Variants in SGCD observed in about 807,000 individuals in gnomAD.
SGCD encodes sarcoglycan delta, also known as delta-sarcoglycan.
SGCD carries 18 observed loss-of-function variants against 36.6 expected under a neutral mutation model. The observed-to-expected ratio is 0.49, with a 90% confidence interval of 0.34 to 0.73. The LOEUF is 0.73. SGCD is among the 30% of genes least tolerant of loss of function. The probability of loss-of-function intolerance (pLI) is 0.01; values close to 1 mark genes in which losing one functional copy is unlikely to be tolerated. For synonymous variants in SGCD, 133 were observed against 130.6 expected, an observed-to-expected ratio of 1.02 and a Z score of -0.12; for missense variants, 387 against 346.7, an observed-to-expected ratio of 1.12 and a Z score of -0.92.
chr5:155,956,625 G>A (rs35404889), intron 1 of SGCD, among the ~76,000 whole-genome samples: 6,323 of 152,162 alleles, frequency 0.042, 167 homozygotes, highest in Non-Finnish European at 0.061. Context: ...AAGTCAAGGC[G>A]TCAGCAGGGC....
intron 1 of SGCD, among the ~76,000 whole-genome samples, chr5:155,941,581 T>G (rs1757328528): frequency 6.6e-6 from 1 of 151,352 alleles, no homozygotes; most frequent in Non-Finnish European, 1.5e-5. Context: ...TAATCAATAT[T>G]ATTTAAATAA....
At chr5:156,708,887 T>C (rs1277015439) in intron 7 of SGCD, among the ~76,000 whole-genome samples, 3 of 152,106 alleles carry the variant, frequency 2.0e-5, no homozygotes, top group Non-Finnish European at 4.4e-5. Context: ...GAAAGGGTTT[T>C]GAGCCTCTAG....
chr5:156,142,408 C>T (rs897796443), intron 3 of SGCD, among the ~76,000 whole-genome samples: 2 of 152,104 alleles, frequency 1.3e-5, no homozygotes, highest in Non-Finnish European at 2.9e-5. Context: ...CATCTGAAAA[C>T]GTAGCAGCTT....
At chr5:156,505,982 A>G (rs1025725993) in intron 3 of SGCD, among the ~76,000 whole-genome samples, 5 of 152,220 alleles carry the variant, frequency 3.3e-5, no homozygotes, top group African/African-American at 9.6e-5. Context: ...GAAACAATTC[A>G]GCCTCCCTGG....
At chr5:155,822,759 A>T in the SGCD span, among the ~76,000 whole-genome samples, 3 of 152,246 alleles carry the variant, frequency 2.0e-5, no homozygotes, top group African/African-American at 2.4e-5. Flanking sequence ...AGGGATTCAC[A>T]TATAGCAAAT....
chr5:156,467,002 G>A (rs148007405), intron 3 of SGCD, among the ~76,000 whole-genome samples: 5 of 152,236 alleles, frequency 3.3e-5, no homozygotes, highest in African/African-American at 1.2e-4. Flanking sequence ...GTTGAAGGTT[G>A]ATAAACATAG....
At chr5:156,605,102 A>G in intron 6 of SGCD, among the ~76,000 whole-genome samples, 1 of 151,990 alleles carries the variant, frequency 6.6e-6, no homozygotes, top group East Asian at 1.9e-4. Context: ...CACAACGTGC[A>G]GGTTTGTTAC....
chr5:156,544,998 T>G (rs1561768770), intron 4 of SGCD, among the ~76,000 whole-genome samples: 2 of 152,208 alleles, frequency 1.3e-5, no homozygotes, highest in African/African-American at 2.4e-5. Flanking sequence ...TCCTCTGAGT[T>G]GGGTGTTTTG....
the SGCD span, among the ~76,000 whole-genome samples, chr5:155,822,514 C>A: frequency 2.0e-5 from 3 of 151,910 alleles, no homozygotes; most frequent in African/African-American, 7.3e-5. Flanking sequence ...TTATTTTGCA[C>A]ACTGAGGTTT....
the SGCD span, among the ~76,000 whole-genome samples, chr5:155,830,984 T>A: frequency 6.6e-6 from 1 of 152,232 alleles, no homozygotes; most frequent in South Asian, 2.1e-4. Context: ...AAATGCTTGT[T>A]ACGTGTTAGA....
At chr5:156,701,187 TAACTTAG>T (rs1754517403) in intron 7 of SGCD, among the ~76,000 whole-genome samples, 1 of 152,214 alleles carries the variant, frequency 6.6e-6, no homozygotes. Context: ...AATCAAATGC[TAACTTAG>T]AACTTCTGTT....
At chr5:155,809,060 A>T in the SGCD span, among the ~76,000 whole-genome samples, 1 of 152,238 alleles carries the variant, frequency 6.6e-6, no homozygotes, top group Admixed American at 6.5e-5. Context: ...GCAGCTGTGG[A>T]TACACGAGTC....
At chr5:156,265,183 G>C (rs890198817) in intron 3 of SGCD, among the ~76,000 whole-genome samples, 3 of 152,126 alleles carry the variant, frequency 2.0e-5, no homozygotes, top group African/African-American at 7.2e-5. Context: ...ATTGTAATTA[G>C]TGGGATTTCT....
chr5:156,260,508 T>A (rs1765831155), intron 3 of SGCD, among the ~76,000 whole-genome samples: 1 of 152,178 alleles, frequency 6.6e-6, no homozygotes, highest in East Asian at 1.9e-4. Context: ...TATTGTAAGT[T>A]GATTTTTCTG....
chr5:156,083,937 T>C (rs572400886), intron 1 of SGCD, among the ~76,000 whole-genome samples: 73 of 152,324 alleles, frequency 4.8e-4, no homozygotes, highest in African/African-American at 1.7e-3. Context: ...TTCTAGGTCT[T>C]CTGACTGTAC....
At chr5:155,930,739 G>C (rs534888912) in intron 1 of SGCD, among the ~76,000 whole-genome samples, 1 of 152,282 alleles carries the variant, frequency 6.6e-6, no homozygotes, top group East Asian at 1.9e-4. Flanking sequence ...TGGAATAGAT[G>C]CTCTGAATGG....
At chr5:156,497,938 A>G (rs1191915901) in intron 3 of SGCD, among the ~76,000 whole-genome samples, 1 of 152,124 alleles carries the variant, frequency 6.6e-6, no homozygotes, top group Non-Finnish European at 1.5e-5. Context: ...TAGCTGCCTC[A>G]GTAGCCTGTC....
At chr5:156,429,706 T>G (rs1280739475) in intron 3 of SGCD, among the ~76,000 whole-genome samples, 1 of 152,132 alleles carries the variant, frequency 6.6e-6, no homozygotes, top group Non-Finnish European at 1.5e-5. Flanking sequence ...CTTGTAGTGC[T>G]GATCTGGTAG....
the SGCD span, among the ~76,000 whole-genome samples, chr5:155,733,350 C>T: frequency 2.2e-4 from 33 of 152,328 alleles, no homozygotes; most frequent in African/African-American, 7.7e-4. Flanking sequence ...TCAGTGACCT[C>T]AACATCTTTT....
Sources: gnomAD v4.1 joint callset for allele counts (sites outside exome capture counted in the v4.1 genomes callset) on GRCh38, gnomAD v4.1.1 for gene constraint, MANE v1.5 for transcripts, NCBI Gene and HGNC (gene_info 2026-07-23, HGNC 2026-07-21) for gene names.